GCNT2: variants seen among roughly 807,000 people sequenced by gnomAD.
The protein encoded by GCNT2 is N-acetyllactosaminide beta-1,6-N-acetylglucosaminyl-transferase.
GCNT2 carries 34 observed loss-of-function variants against 34.2 expected under a neutral mutation model. That is an observed-to-expected ratio of 1.00 (90% CI 0.76 to 1.32). The LOEUF is 1.32. GCNT2 is among the 40% of genes most tolerant of loss of function. The probability of loss-of-function intolerance (pLI) is 0.00; values close to 1 mark genes in which losing one functional copy is unlikely to be tolerated. For synonymous variants in GCNT2, 212 were observed against 188.0 expected, an observed-to-expected ratio of 1.13 and a Z score of -1.04; for missense variants, 584 against 489.4, an observed-to-expected ratio of 1.19 and a Z score of -1.82.
At chr6:10,603,905 T>C (rs1765196220) in intron 3 of GCNT2, among the ~76,000 whole-genome samples, 1 of 150,832 alleles carries the variant, frequency 6.6e-6, no homozygotes, top group Admixed American at 6.6e-5. Flanking sequence ...TTTGTTTGTT[T>C]GTTTGTTTTG....
chr6:10,546,013 G>T (rs996711667), intron 3 of GCNT2, among the ~76,000 whole-genome samples: 4 of 152,080 alleles, frequency 2.6e-5, no homozygotes, highest in African/African-American at 9.7e-5. Context: ...ATATTTTCCC[G>T]ATGTGTGTTT....
intron 3 of GCNT2, among the ~76,000 whole-genome samples, chr6:10,562,670 A>C (rs539420498): frequency 6.7e-4 from 100 of 149,748 alleles, no homozygotes; most frequent in East Asian, 2.9e-3. Flanking sequence ...AAAAAAAAAA[A>C]AAAAAAACAA....
At chr6:10,523,268 A>T (rs1481403629) in intron 1 of GCNT2, among the ~76,000 whole-genome samples, 1 of 151,960 alleles carries the variant, frequency 6.6e-6, no homozygotes, top group Non-Finnish European at 1.5e-5. Flanking sequence ...TAAAAAGAAA[A>T]TACAAAAATT....
intron 4 of GCNT2, among the ~76,000 whole-genome samples, chr6:10,623,387 G>A (rs1766128739): frequency 6.6e-6 from 1 of 151,706 alleles, no homozygotes; most frequent in Non-Finnish European, 1.5e-5. Flanking sequence ...CGTCTCCCGG[G>A]TTCAAGTGAT....
intron 3 of GCNT2, among the ~76,000 whole-genome samples, chr6:10,571,705 AAACCTT>A (rs1218450928): frequency 1.3e-5 from 2 of 152,176 alleles, no homozygotes; most frequent in Admixed American, 1.3e-4. Flanking sequence ...TTTGTTACTA[AAACCTT>A]CCTATATCCA....
At chr6:10,572,673 G>T (rs936533353) in intron 3 of GCNT2, among the ~76,000 whole-genome samples, 1 of 152,182 alleles carries the variant, frequency 6.6e-6, no homozygotes, top group Non-Finnish European at 1.5e-5. Flanking sequence ...GGCGGAGCTT[G>T]CAGTGAGCTG....
intron 3 of GCNT2, among the ~76,000 whole-genome samples, chr6:10,541,333 G>C (rs1280089551): frequency 2.0e-5 from 3 of 152,140 alleles, no homozygotes; most frequent in African/African-American, 7.2e-5. Context: ...TCCCTGCAAA[G>C]GACATGATCT....
chr6:10,586,889 C>CT, intron 3 of GCNT2: 1 of 1,613,368 alleles, frequency 6.2e-7, no homozygotes, highest in African/African-American at 1.3e-5. Flanking sequence ...ATGAGCATTT[C>CT]TGGGTGACAC....
intron 3 of GCNT2, among the ~76,000 whole-genome samples, chr6:10,595,588 G>A (rs1012283916): frequency 3.3e-5 from 5 of 151,990 alleles, no homozygotes; most frequent in African/African-American, 1.2e-4. Context: ...TGGTTGGGTT[G>A]CTTTCTTTTC....
At chr6:10,557,019 A>AG in intron 3 of GCNT2, 1 of 1,613,652 alleles carries the variant, frequency 6.2e-7, no homozygotes. Flanking sequence ...AAAACCAACA[A>AG]GGAAATAGTT....
intron 3 of GCNT2, among the ~76,000 whole-genome samples, chr6:10,541,189 C>G (rs919803331): frequency 6.6e-6 from 1 of 152,100 alleles, no homozygotes; most frequent in African/African-American, 2.4e-5. Flanking sequence ...CCCACCAGCC[C>G]CAGTATGTGT....
At chr6:10,556,458 C>A (rs1762707894) in intron 3 of GCNT2, 2 of 1,614,106 alleles carry the variant, frequency 1.2e-6, no homozygotes, top group Non-Finnish European at 1.7e-6. Flanking sequence ...TTCATAATTT[C>A]TGTCTCTAGT....
In GCNT2 at chr6:10,622,478, C is replaced by A. The variant is rs1394163099; in HGVS notation, c.1018+1035C>A. ...TAATCGCCTCTTCTTCTAAGGAGAC[C>A]AGTCATATTGGATTATGGCCCACCC... is the stretch of plus-strand genomic sequence containing the variant. On this transcript the variant is annotated intron_variant, in intron 4 of 4. Coordinates refer to ENST00000495262, the MANE Select transcript of GCNT2 (RefSeq NM_145649.5). Among the ~76,000 whole-genome samples the A allele has an allele frequency of 4.0e-5, 6 of 151,884 alleles. No homozygotes were observed. In the East Asian group the frequency reaches 1.2e-3, roughly 30 times the overall value.
At chr6:10,552,431 C>T (rs978391011) in intron 3 of GCNT2, among the ~76,000 whole-genome samples, 11 of 151,924 alleles carry the variant, frequency 7.2e-5, no homozygotes, top group African/African-American at 2.7e-4. Context: ...ATCCTGAATC[C>T]TTGGATTCGA....
intron 3 of GCNT2, chr6:10,586,867 C>T (rs1228519266): frequency 7.4e-6 from 12 of 1,613,860 alleles, no homozygotes; most frequent in Non-Finnish European, 1.0e-5. Context: ...TCAAAAGATA[C>T]CTATAGTCCT....
At chr6:10,556,214 TGA>T (rs1397347226) in intron 3 of GCNT2, 28 of 1,429,550 alleles carry the variant, frequency 2.0e-5, no homozygotes, top group Admixed American at 2.9e-5. Context: ...AAAGGAGGTT[TGA>T]GAGAGGCGGG....
chr6:10,611,358 G>A (rs913732033), intron 3 of GCNT2, among the ~76,000 whole-genome samples: 2 of 145,218 alleles, frequency 1.4e-5, no homozygotes, highest in African/African-American at 5.1e-5. Context: ...TTGAGACGGA[G>A]TCTCGCTCTA....
rs531547183 is a variant in GCNT2, at chr6:10,622,627, A to G, written c.1018+1184A>G. ...CAATTCAGTCCATAATATGCAATAA[A>G]TATTTATTTAGTAAGTGATTGTTTG... On this transcript the variant is annotated intron_variant, in intron 4 of 4. Coordinates refer to ENST00000495262, the MANE Select transcript of GCNT2 (RefSeq NM_145649.5). 3.9e-5 allele frequency among the ~76,000 whole-genome samples: 6 copies of G among 152,172 alleles called. No homozygotes were observed. The South Asian group carries it at 1.2e-3, about 32-fold the overall frequency.
intron 3 of GCNT2, chr6:10,557,370 A>C: frequency 6.4e-7 from 1 of 1,565,418 alleles, no homozygotes; most frequent in Non-Finnish European, 8.8e-7. Flanking sequence ...TTTCATGCAA[A>C]AGAAATGTGT....
Sources: allele counts gnomAD v4.1 joint callset (sites outside exome capture counted in the v4.1 genomes callset), GRCh38; gene constraint gnomAD v4.1.1; transcripts MANE v1.5; gene names NCBI Gene and HGNC (gene_info 2026-07-23, HGNC 2026-07-21).